The following ST18 variants were observed in gnomAD, a reference collection of about 807,000 sequenced individuals.
The protein encoded by ST18 is ST18 C2H2C-type zinc finger transcription factor, also known as suppression of tumorigenicity 18 protein.
A neutral mutation model predicts 110.0 loss-of-function variants in ST18; 50 were observed. That is an observed-to-expected ratio of 0.45 (90% CI 0.36 to 0.58). The LOEUF is 0.58. Among genes scored for constraint, ST18 ranks in the 20% least tolerant of loss-of-function variants. The pLI, the probability that ST18 is intolerant of heterozygous loss-of-function variation, is 0.00. For missense variants in ST18, 1,306 were observed against 1,280.1 expected (o/e 1.02, Z -0.31); for synonymous variants, 461 against 452.4 (o/e 1.02, Z -0.24).
chr8:52,400,636 A>T (rs151025304), intron 2 of ST18, among the ~76,000 whole-genome samples: 32 of 152,188 alleles, frequency 2.1e-4, no homozygotes, highest in Admixed American at 5.9e-4. Flanking sequence ...AAAACATCTT[A>T]TAGTTATAAT....
intron 8 of ST18, 51 bp from the exon 9 acceptor site, chr8:52,180,363 G>C (rs369054887): frequency 6.9e-6 from 11 of 1,588,398 alleles, no homozygotes; most frequent in Admixed American, 1.7e-5. Context: ...ATTTACTGCT[G>C]TTTGGCATTT....
At chr8:52,159,476 C>A (rs1032891685) in intron 14 of ST18, among the ~76,000 whole-genome samples, 3 of 152,154 alleles carry the variant, frequency 2.0e-5, no homozygotes, top group African/African-American at 7.2e-5. Flanking sequence ...GAGTTTAAGG[C>A]ATGCCCATTG....
intron 2 of ST18, among the ~76,000 whole-genome samples, chr8:52,321,908 C>T (rs886483921): frequency 6.6e-6 from 1 of 152,150 alleles, no homozygotes; most frequent in African/African-American, 2.4e-5. Context: ...AGTCTTTACC[C>T]ACTAAACAGA....
At chr8:52,294,446 A>G (rs60548059) in intron 2 of ST18, 18,835 of 152,254 alleles carry the variant, frequency 0.12, 1,261 homozygotes, top group African/African-American at 0.18. Context: ...CCCCTCCCAT[A>G]GGGACCAAGG....
intron 2 of ST18, among the ~76,000 whole-genome samples, chr8:52,293,342 T>C (rs2095584444): frequency 6.6e-6 from 1 of 152,182 alleles, no homozygotes; most frequent in Admixed American, 6.5e-5. Context: ...ATGACTGATC[T>C]CTAGGGAAGA....
intron 2 of ST18, among the ~76,000 whole-genome samples, chr8:52,311,836 T>G (rs542531673): frequency 6.6e-6 from 1 of 152,178 alleles, no homozygotes; most frequent in Non-Finnish European, 1.5e-5. Context: ...ATTAGGGGAC[T>G]TTGGGGATGA....
At chr8:52,382,617 G>A (rs554813211) in intron 2 of ST18, among the ~76,000 whole-genome samples, 6 of 152,128 alleles carry the variant, frequency 3.9e-5, no homozygotes, top group Admixed American at 3.3e-4. Context: ...AAAAAGAAGA[G>A]GATGAACGGA....
chr8:52,235,834 G>A (rs977271543), intron 2 of ST18, among the ~76,000 whole-genome samples: 1 of 152,136 alleles, frequency 6.6e-6, no homozygotes, highest in Admixed American at 6.5e-5. Context: ...TTTGGTGCAG[G>A]GGGAGGGGAT....
chr8:52,341,302 G>A (rs1264500437), intron 2 of ST18, among the ~76,000 whole-genome samples: 1 of 152,210 alleles, frequency 6.6e-6, no homozygotes, highest in Non-Finnish European at 1.5e-5. Context: ...GGATGATACG[G>A]TTGACTTTGA....
At chr8:52,376,347 A>G (rs1454626343) in intron 2 of ST18, among the ~76,000 whole-genome samples, 2 of 152,020 alleles carry the variant, frequency 1.3e-5, no homozygotes, top group Non-Finnish European at 2.9e-5. Flanking sequence ...CTCACCCACC[A>G]CGAGGCCTCT....
At chr8:52,340,827 G>A (rs946686781) in intron 2 of ST18, among the ~76,000 whole-genome samples, 2 of 152,152 alleles carry the variant, frequency 1.3e-5, no homozygotes, top group African/African-American at 4.8e-5. Flanking sequence ...TCTTAATTGT[G>A]TAGTGAGAAA....
intron 2 of ST18, among the ~76,000 whole-genome samples, chr8:52,298,450 A>G (rs1472105375): frequency 6.6e-6 from 1 of 152,214 alleles, no homozygotes; most frequent in Non-Finnish European, 1.5e-5. Context: ...ATTAGCATCA[A>G]CCTAATTAAG....
intron 2 of ST18, among the ~76,000 whole-genome samples, chr8:52,332,229 T>C (rs1364201093): frequency 6.6e-6 from 1 of 152,084 alleles, no homozygotes; most frequent in Non-Finnish European, 1.5e-5. Flanking sequence ...ATAATATTTG[T>C]AATGGGGTAG....
chr8:52,357,723 A>ATATATATATATATT (rs1823733507), intron 2 of ST18, among the ~76,000 whole-genome samples: 3 of 78,078 alleles, frequency 3.8e-5, no homozygotes, highest in African/African-American at 2.9e-4. Flanking sequence ...ATATATATAT[A>ATATATATATATATT]TATATATAAA....
chr8:52,295,002 G>A (rs1447049390), intron 2 of ST18, among the ~76,000 whole-genome samples: 1 of 152,178 alleles, frequency 6.6e-6, no homozygotes, highest in East Asian at 1.9e-4. Context: ...GATGAACTTA[G>A]AATGAAAATA....
chr8:52,357,894 G>A (rs1823894107), intron 2 of ST18, among the ~76,000 whole-genome samples: 1 of 150,582 alleles, frequency 6.6e-6, no homozygotes, highest in African/African-American at 2.4e-5. Flanking sequence ...CACAGCTACA[G>A]AATACACATT....
chr8:52,344,761 C>T (rs1816927905), intron 2 of ST18, among the ~76,000 whole-genome samples: 1 of 152,148 alleles, frequency 6.6e-6, no homozygotes, highest in African/African-American at 2.4e-5. Context: ...ATAGATACAT[C>T]ACCTGAGATT....
intron 8 of ST18, among the ~76,000 whole-genome samples, chr8:52,184,465 T>C (rs2071187540): frequency 6.6e-6 from 1 of 152,230 alleles, no homozygotes. Flanking sequence ...ACTTAGAAAC[T>C]TGAATTCTCA....
chr8:52,170,074 G>T (rs530568743), intron 10 of ST18, among the ~76,000 whole-genome samples: 2 of 152,294 alleles, frequency 1.3e-5, no homozygotes, highest in South Asian at 2.1e-4. Context: ...TGCCTGTAAG[G>T]TATCATCAAT....
Sources: allele counts gnomAD v4.1 joint callset (sites outside exome capture counted in the v4.1 genomes callset), GRCh38; gene constraint gnomAD v4.1.1; transcripts MANE v1.5; gene names NCBI Gene and HGNC (gene_info 2026-07-23, HGNC 2026-07-21).